The following SLC9A4 variants were observed in gnomAD, a reference collection of about 807,000 sequenced individuals.
The protein encoded by SLC9A4 is sodium/hydrogen exchanger 4.
Under a neutral mutation model 67.4 loss-of-function variants are expected in SLC9A4, and 63 were observed. The observed-to-expected ratio is 0.93, with a 90% CI of 0.76 to 1.15. The LOEUF (loss-of-function observed/expected upper bound fraction) is 1.15, where lower values mean the gene tolerates loss of function less well. SLC9A4 is among the 50% of genes most tolerant of loss of function. The probability of loss-of-function intolerance (pLI) is 0.00; values close to 1 mark genes in which losing one functional copy is unlikely to be tolerated. For missense variants in SLC9A4, 1,089 were observed against 987.7 expected, an observed-to-expected ratio of 1.10 and a Z score of -1.38; for synonymous variants, 393 against 367.2, an observed-to-expected ratio of 1.07 and a Z score of -0.80.
chr2:102,481,431 T>A (rs575434870), intron 2 of SLC9A4, among the ~76,000 whole-genome samples: 1 of 152,342 alleles, frequency 6.6e-6, no homozygotes, highest in South Asian at 2.1e-4. Context: ...TGTCACATGC[T>A]GTACATTGAA....
intron 3 of SLC9A4, among the ~76,000 whole-genome samples, chr2:102,504,447 A>G (rs1475485905): frequency 6.6e-6 from 1 of 152,340 alleles, no homozygotes; most frequent in East Asian, 1.9e-4. Context: ...AACTAGACAG[A>G]TGGGATAAGA....
At chr2:102,483,069 G>C (rs1326218178) in intron 2 of SLC9A4, among the ~76,000 whole-genome samples, 1 of 152,176 alleles carries the variant, frequency 6.6e-6, no homozygotes, top group Non-Finnish European at 1.5e-5. Flanking sequence ...CTTTGGGGGA[G>C]ACATTTATAA....
chr2:102,478,780 TCAG>T, intron 1 of SLC9A4, 56 bp from the exon 2 acceptor site: 1 of 1,532,732 alleles, frequency 6.5e-7, no homozygotes. Flanking sequence ...TTAAAAGACC[TCAG>T]GTACACCCAG....
At chr2:102,474,481 T>C (rs1684286283) in intron 1 of SLC9A4, among the ~76,000 whole-genome samples, 1 of 152,158 alleles carries the variant, frequency 6.6e-6, no homozygotes, top group Non-Finnish European at 1.5e-5. Context: ...TTCTTGCAAA[T>C]TGACAGAAAG....
chr2:102,481,961 C>A (rs1292091976), intron 2 of SLC9A4, among the ~76,000 whole-genome samples: 1 of 151,992 alleles, frequency 6.6e-6, no homozygotes, highest in African/African-American at 2.4e-5. Context: ...GAAAAATAAT[C>A]TGTGCCATAC....
At position 102,532,439 on chromosome 2, in the gene SLC9A4, A is replaced by C; in HGVS notation, c.2148A>C (p.Leu716=). 6.2e-7 allele frequency: 1 copy of C among 1,614,248 alleles called. No individual in the cohort carries two copies. Among genetic ancestry groups the C allele is most frequent in the Non-Finnish European group, 8.5e-7 (1 of 1,180,040 alleles). ...EAQEIIPMKS[L]HRGRKAFSFG... is the part of the protein sequence containing the mutation. ...AAGAAATAATACCAATGAAGAGCCT[A>C]CACAGAGGAAGGAAGGCATTCAGCT... The change falls in exon 12 of 12, where the codon CTA becomes CTC. Residue 716 remains leucine, a synonymous_variant. Transcript: ENST00000295269.
chr2:102,529,113 A>G (rs866049658), intron 11 of SLC9A4, among the ~76,000 whole-genome samples: 54 of 152,338 alleles, frequency 3.5e-4, no homozygotes, highest in African/African-American at 1.3e-3. Context: ...CTACTTAGGG[A>G]CTTAAAGAAG....
At chr2:102,481,619 G>A (rs1401084590) in intron 2 of SLC9A4, among the ~76,000 whole-genome samples, 2 of 151,866 alleles carry the variant, frequency 1.3e-5, no homozygotes, top group South Asian at 2.1e-4. Context: ...AAGATTTATA[G>A]GAATTCATTA....
At chr2:102,481,526 T>G (rs540998921) in intron 2 of SLC9A4, among the ~76,000 whole-genome samples, 24 of 152,192 alleles carry the variant, frequency 1.6e-4, no homozygotes, top group African/African-American at 4.8e-4. Flanking sequence ...AATGAATAAT[T>G]TTTTTTAGTA....
At chr2:102,530,017 G>A (rs928959867) in intron 11 of SLC9A4, among the ~76,000 whole-genome samples, 1 of 152,170 alleles carries the variant, frequency 6.6e-6, no homozygotes, top group Non-Finnish European at 1.5e-5. Context: ...ATGGTAACAC[G>A]ACAATGTGAA....
chr2:102,493,749 A>C (rs1442277329), intron 2 of SLC9A4, among the ~76,000 whole-genome samples: 1 of 151,804 alleles, frequency 6.6e-6, no homozygotes, highest in African/African-American at 2.4e-5. Context: ...CTGTCCCACA[A>C]CTCATAGTTG....
chr2:102,515,342 C>T (rs1234002890), intron 8 of SLC9A4, among the ~76,000 whole-genome samples: 1 of 150,444 alleles, frequency 6.6e-6, no homozygotes, highest in Non-Finnish European at 1.5e-5. Flanking sequence ...TCTTACATGG[C>T]CTGAGAAGAA....
At chr2:102,505,030 G>A (rs868657456) in intron 3 of SLC9A4, among the ~76,000 whole-genome samples, 5 of 152,144 alleles carry the variant, frequency 3.3e-5, no homozygotes, top group Admixed American at 6.6e-5. Flanking sequence ...ACCGTGCCAC[G>A]CCCACCTTCC....
chr2:102,474,465 G>A (rs187448076), intron 1 of SLC9A4, among the ~76,000 whole-genome samples: 170 of 152,266 alleles, frequency 1.1e-3, no homozygotes, highest in Non-Finnish European at 1.2e-4. Flanking sequence ...TAAAAGTAGC[G>A]TGTGCTTCTT....
At chr2:102,508,053 T>G (rs530198642) in intron 4 of SLC9A4, 26 bp from the exon 5 acceptor site, 1 of 1,608,340 alleles carries the variant, frequency 6.2e-7, no homozygotes, top group South Asian at 1.1e-5. Context: ...GATCCTCTGC[T>G]CTAATACACG....
chr2:102,475,832 TA>T (rs1208796697), intron 1 of SLC9A4, among the ~76,000 whole-genome samples: 2 of 152,224 alleles, frequency 1.3e-5, no homozygotes, highest in African/African-American at 4.8e-5. Flanking sequence ...GCTTGTTTAC[TA>T]GGGCCAAAAT....
chr2:102,485,655 G>A lies in SLC9A4; in HGVS notation c.720+6353G>A, dbSNP rs374446883. On this transcript the variant is annotated intron_variant, in intron 2 of 11. Transcript: ENST00000295269. ...GAGTCAAGGGCTCTAGTGGAAGAAC[G>A]AATGCAGCAGGAAGAGTGAATAATG... Among the ~76,000 whole-genome samples the A allele has an allele frequency of 5.9e-5, 9 of 152,276 alleles. No homozygotes were observed. In the South Asian group the frequency reaches 1.9e-3, roughly 32 times the overall value.
chr2:102,486,167 C>T (rs1684584855), intron 2 of SLC9A4, among the ~76,000 whole-genome samples: 1 of 152,242 alleles, frequency 6.6e-6, no homozygotes, highest in South Asian at 2.1e-4. Flanking sequence ...CCATATGCTT[C>T]ATTGCAGGTC....
intron 2 of SLC9A4, among the ~76,000 whole-genome samples, chr2:102,493,556 C>T (rs752661828): frequency 8.8e-4 from 133 of 151,876 alleles, no homozygotes; most frequent in Middle Eastern, 3.4e-3. Flanking sequence ...TGGAGGTAAC[C>T]ATCCCCATGA....
Sources: allele counts gnomAD v4.1 joint callset (sites outside exome capture counted in the v4.1 genomes callset), GRCh38; gene constraint gnomAD v4.1.1; transcripts MANE v1.5; gene names NCBI Gene and HGNC (gene_info 2026-07-23, HGNC 2026-07-21).